The following LRRC40 variants were observed in gnomAD, a reference collection of about 807,000 sequenced individuals.
The protein encoded by LRRC40 is leucine rich repeat containing 40.
In LRRC40, 76 loss-of-function variants were observed where a neutral mutation model predicts 72.8. The ratio of observed to expected loss-of-function variants is 1.04; its 90% CI spans 0.87 to 1.26. LRRC40 has a LOEUF of 1.26. Among genes scored for constraint, LRRC40 ranks in the 50% most tolerant of loss-of-function variants. The pLI, the probability that LRRC40 is intolerant of heterozygous loss-of-function variation, is 0.00. For synonymous variants in LRRC40, 243 were observed against 254.2 expected (o/e 0.96, Z 0.42); for missense variants, 684 against 698.9 (o/e 0.98, Z 0.24).
intron 9 of LRRC40, among the ~76,000 whole-genome samples, chr1:70,160,636 G>A (rs1667735889): frequency 6.6e-6 from 1 of 152,064 alleles, no homozygotes; most frequent in African/African-American, 2.4e-5. Flanking sequence ...AAATATCTAT[G>A]TATACTACCA....
intron 11 of LRRC40, 80 bp downstream of exon 11, chr1:70,155,609 T>C (rs1487494532): frequency 1.7e-6 from 1 of 577,162 alleles, no homozygotes; most frequent in Admixed American, 3.6e-5. Flanking sequence ...AAAACCAATA[T>C]GGAAAAACCA....
intron 1 of LRRC40, among the ~76,000 whole-genome samples, chr1:70,193,080 G>T (rs1433688589): frequency 6.6e-6 from 1 of 151,836 alleles, no homozygotes; most frequent in Non-Finnish European, 1.5e-5. Context: ...ATCCCACAAT[G>T]ATCTAAGCTA....
chr1:70,188,265 A>G (rs1465811070), intron 2 of LRRC40, among the ~76,000 whole-genome samples: 1 of 152,222 alleles, frequency 6.6e-6, no homozygotes, highest in Admixed American at 6.5e-5. Context: ...CCCGCAGATT[A>G]TGAAATATAC....
chr1:70,148,413 C>G (rs1319274396), intron 14 of LRRC40, 74 bp downstream of exon 14: 3 of 1,283,232 alleles, frequency 2.3e-6, no homozygotes, highest in Non-Finnish European at 3.2e-6. Context: ...GCAAATTTAT[C>G]TGAAAAAGAA....
chr1:70,189,235 C>T lies in LRRC40; in HGVS notation c.190G>A (p.Glu64Lys). ...AACGAAAGATTCTGATTAGCTTCCT[C>T]AGGGATATCCACATTTATTCTCCAG... Reference protein sequence around the residue: ...CVWRINVDIPEEANQNLSFGA... With the variant: ...CVWRINVDIPKEANQNLSFGA... Residue 64 changes from glutamate to lysine, a missense_variant, in exon 2 of 15, where the codon GAG becomes AAG. Transcript: ENST00000370952. 1 of 1,610,396 alleles carries T rather than the reference C, an allele frequency of 6.2e-7. No individual in the cohort carries two copies. Among genetic ancestry groups the T allele is most frequent in the Non-Finnish European group, 8.5e-7 (1 of 1,179,398 alleles).
chr1:70,163,084 T>G (rs1360679689), intron 9 of LRRC40, among the ~76,000 whole-genome samples: 1 of 151,340 alleles, frequency 6.6e-6, no homozygotes, highest in Non-Finnish European at 1.5e-5. Flanking sequence ...CTTTTCTTTT[T>G]TTTTTTTTTT....
At position 70,152,259 on chromosome 1, in the gene LRRC40, T is replaced by G. The variant is rs1571434686; in HGVS notation, c.1439+174A>C. Among the ~76,000 whole-genome samples the G allele has an allele frequency of 3.9e-5, 6 of 152,284 alleles. 1 individual carries two copies. The East Asian group carries it at 1.2e-3, about 29-fold the overall frequency. ...GTCTGATTACAGTATTTTTCCTGAA[T>G]TCTGTCTCGGGTTTCCTAAACACTA... On this transcript the variant is annotated intron_variant, in intron 12 of 14. Coordinates refer to ENST00000370952, the MANE Select transcript of LRRC40 (RefSeq NM_017768.5).
chr1:70,190,245 A>G (rs1251966327), intron 1 of LRRC40, among the ~76,000 whole-genome samples: 1 of 152,178 alleles, frequency 6.6e-6, no homozygotes, highest in Non-Finnish European at 1.5e-5. Context: ...ATCATTTCAA[A>G]ACCATCAGAG....
At chr1:70,168,879 A>T (rs962675026) in intron 9 of LRRC40, among the ~76,000 whole-genome samples, 1 of 152,242 alleles carries the variant, frequency 6.6e-6, no homozygotes, top group Non-Finnish European at 1.5e-5. Context: ...AATGAAAATG[A>T]CACAACATAC....
intron 11 of LRRC40, among the ~76,000 whole-genome samples, chr1:70,154,997 C>T (rs1270066501): frequency 6.6e-6 from 1 of 152,120 alleles, no homozygotes; most frequent in Non-Finnish European, 1.5e-5. Flanking sequence ...TCCTGTCTCA[C>T]ATTGGGTTGT....
intron 13 of LRRC40, among the ~76,000 whole-genome samples, chr1:70,149,712 T>C (rs1427004787): frequency 1.3e-5 from 2 of 152,168 alleles, no homozygotes; most frequent in East Asian, 1.9e-4. Flanking sequence ...ATCTATATAC[T>C]AGAAAGGACA....
chr1:70,185,458 C>A (rs1018999189), intron 3 of LRRC40, among the ~76,000 whole-genome samples: 3 of 152,258 alleles, frequency 2.0e-5, no homozygotes, highest in African/African-American at 7.2e-5. Flanking sequence ...CATTTTTCTC[C>A]TGCTGCTGCC....
At chr1:70,196,700 A>G (rs1668619248) in intron 1 of LRRC40, among the ~76,000 whole-genome samples, 1 of 152,204 alleles carries the variant, frequency 6.6e-6, no homozygotes. Context: ...ATTAATCTAC[A>G]TTGACAAAAA....
intron 3 of LRRC40, among the ~76,000 whole-genome samples, 154 bp from the exon 4 acceptor site, chr1:70,185,068 G>A (rs1386066227): frequency 6.6e-6 from 1 of 152,116 alleles, no homozygotes; most frequent in East Asian, 1.9e-4. Flanking sequence ...CCAAAAATAT[G>A]TACTCATTAA....
At chr1:70,179,272 T>C (rs1422885423) in intron 5 of LRRC40, among the ~76,000 whole-genome samples, 1 of 152,086 alleles carries the variant, frequency 6.6e-6, no homozygotes. Context: ...ACTTGAGTTC[T>C]GGAGTTCAAG....
chr1:70,165,416 A>T (rs1396022274), intron 9 of LRRC40, among the ~76,000 whole-genome samples: 1 of 152,244 alleles, frequency 6.6e-6, no homozygotes, highest in African/African-American at 2.4e-5. Flanking sequence ...TGTGGACCAC[A>T]TTTCTACATT....
chr1:70,185,509 C>T (rs1668341178), intron 3 of LRRC40, among the ~76,000 whole-genome samples: 1 of 152,176 alleles, frequency 6.6e-6, no homozygotes, highest in African/African-American at 2.4e-5. Flanking sequence ...GATTCTGAGG[C>T]ATCCCCAGCC....
intron 1 of LRRC40, among the ~76,000 whole-genome samples, chr1:70,202,145 A>G (rs889119024): frequency 6.6e-6 from 1 of 152,198 alleles, no homozygotes; most frequent in Non-Finnish European, 1.5e-5. Flanking sequence ...AGTTTCTTAC[A>G]GGGCTCAACA....
intron 11 of LRRC40, among the ~76,000 whole-genome samples, chr1:70,153,922 G>A (rs1249217701): frequency 8.1e-5 from 12 of 148,024 alleles, no homozygotes; most frequent in East Asian, 4.0e-4. Context: ...GCACTGAGCC[G>A]CGATTGTGCC....
Sources: gnomAD v4.1 joint callset for allele counts (sites outside exome capture counted in the v4.1 genomes callset) on GRCh38, gnomAD v4.1.1 for gene constraint, MANE v1.5 for transcripts, NCBI Gene and HGNC (gene_info 2026-07-23, HGNC 2026-07-21) for gene names.